Variants in HMG20A observed in about 807,000 individuals in gnomAD.
HMG20A encodes the protein high mobility group 20A, also known as high mobility group protein 20A.
In HMG20A, 17 loss-of-function variants were observed where a neutral mutation model predicts 43.9. The ratio of observed to expected loss-of-function variants is 0.39; its 90% confidence interval spans 0.27 to 0.58. HMG20A has a LOEUF of 0.58. Ranked by LOEUF, HMG20A falls within the 20% of genes least tolerant of loss-of-function variation. The pLI, the probability that HMG20A is intolerant of heterozygous loss-of-function variation, is 0.59. For synonymous variants in HMG20A, 132 were observed against 147.5 expected, an observed-to-expected ratio of 0.89 and a Z score of 0.76; for missense variants, 341 against 438.2, an observed-to-expected ratio of 0.78 and a Z score of 1.98.
the HMG20A span, among the ~76,000 whole-genome samples, chr15:77,497,096 T>G: frequency 6.6e-6 from 1 of 152,166 alleles, no homozygotes; most frequent in African/African-American, 2.4e-5. Flanking sequence ...CCCTCGCAAG[T>G]GTGGAAGGGG....
intron 6 of HMG20A, among the ~76,000 whole-genome samples, chr15:77,473,382 C>T (rs541727145): frequency 1.3e-5 from 2 of 152,176 alleles, no homozygotes; most frequent in African/African-American, 4.8e-5. Context: ...GCCTGTGTGC[C>T]CAGCTATCAA....
At chr15:77,459,476 A>G (rs1291473429) in intron 2 of HMG20A, among the ~76,000 whole-genome samples, 1 of 152,246 alleles carries the variant, frequency 6.6e-6, no homozygotes, top group Non-Finnish European at 1.5e-5. Flanking sequence ...GATAAGAACT[A>G]TAGTTTAAAA....
chr15:77,481,882 A>G (rs1053844333), intron 9 of HMG20A, among the ~76,000 whole-genome samples: 79 of 152,368 alleles, frequency 5.2e-4, no homozygotes, highest in African/African-American at 1.8e-3. Flanking sequence ...TGATGTCCCC[A>G]GCACTCATGA....
At chr15:77,457,559 G>A (rs946439419) in intron 1 of HMG20A, among the ~76,000 whole-genome samples, 3 of 152,160 alleles carry the variant, frequency 2.0e-5, no homozygotes, top group South Asian at 2.1e-4. Flanking sequence ...GGCAAAAATC[G>A]TTTTTCATAG....
rs1013057064 is a variant in HMG20A, at chr15:77,468,423, A to C, written c.450+1116A>C. 2.8e-4 allele frequency among the ~76,000 whole-genome samples: 43 copies of C among 152,134 alleles called. 1 individual carries two copies. The highest frequency in any genetic ancestry group is 1.8e-3 in the Admixed American group (27 of 15,268). ...TTTTTTTGGAAATAATTTCAAATAC[A>C]CAAAAAGTTACAAACATAAAAATAA... On this transcript the variant is annotated intron_variant, in intron 4 of 9. Coordinates refer to ENST00000336216, the MANE Select transcript of HMG20A (RefSeq NM_001304504.2).
At chr15:77,506,306 C>T in the HMG20A span, among the ~76,000 whole-genome samples, 3 of 152,082 alleles carry the variant, frequency 2.0e-5, no homozygotes, top group East Asian at 3.8e-4. Flanking sequence ...CACGGGGCCT[C>T]GCATTAGGAT....
chr15:77,430,633 G>T (rs1353189131), intron 1 of HMG20A, among the ~76,000 whole-genome samples: 1 of 152,204 alleles, frequency 6.6e-6, no homozygotes. Context: ...ATGGGGCGGA[G>T]CAGACAAAAC....
chr15:77,471,210 C>T (rs1282835320), intron 5 of HMG20A, among the ~76,000 whole-genome samples, 168 bp downstream of exon 5: 2 of 152,158 alleles, frequency 1.3e-5, no homozygotes, highest in African/African-American at 4.8e-5. Flanking sequence ...TCACATTGCT[C>T]TCATTTAGAA....
At chr15:77,467,796 C>T (rs1041584925) in intron 4 of HMG20A, among the ~76,000 whole-genome samples, 2 of 152,138 alleles carry the variant, frequency 1.3e-5, no homozygotes, top group Non-Finnish European at 2.9e-5. Flanking sequence ...ATTCTTTCTC[C>T]TCTAAGACAG....
At chr15:77,446,320 AAAT>A in intron 1 of HMG20A, among the ~76,000 whole-genome samples, 1 of 152,216 alleles carries the variant, frequency 6.6e-6, no homozygotes, top group African/African-American at 2.4e-5. Context: ...ATGAACTGTA[AAAT>A]AATAAGTGTT....
the HMG20A span, among the ~76,000 whole-genome samples, chr15:77,508,859 A>G: frequency 6.6e-6 from 1 of 152,216 alleles, no homozygotes; most frequent in Non-Finnish European, 1.5e-5. Flanking sequence ...TGATTTGCAC[A>G]TGGTAAGTGG....
chr15:77,436,360 G>A (rs897632279), intron 1 of HMG20A, among the ~76,000 whole-genome samples: 4 of 151,896 alleles, frequency 2.6e-5, no homozygotes, highest in Non-Finnish European at 4.4e-5. Flanking sequence ...CATCTCCACT[G>A]TTGTTATCCT....
At chr15:77,509,905 C>CA in the HMG20A span, among the ~76,000 whole-genome samples, 2,321 of 128,736 alleles carry the variant, frequency 0.018, 48 homozygotes, top group African/African-American at 0.054. Flanking sequence ...GACTCCGCCT[C>CA]AAAAAAAAAA....
At chr15:77,462,599 C>CCACACACA (rs34081893) in intron 2 of HMG20A, among the ~76,000 whole-genome samples, 1 of 147,858 alleles carries the variant, frequency 6.8e-6, no homozygotes, top group Non-Finnish European at 1.5e-5. Flanking sequence ...GTGTGTCTGT[C>CCACACACA]CACACACACA....
At chr15:77,493,148 C>T in the HMG20A span, among the ~76,000 whole-genome samples, 6 of 151,990 alleles carry the variant, frequency 3.9e-5, no homozygotes, top group Non-Finnish European at 5.9e-5. Flanking sequence ...GTGGAAGAAA[C>T]GTGATTAAAC....
intron 4 of HMG20A, among the ~76,000 whole-genome samples, chr15:77,470,254 A>G (rs560908315): frequency 7.2e-5 from 11 of 152,358 alleles, no homozygotes; most frequent in Non-Finnish European, 1.2e-4. Context: ...GAAAAGGGCA[A>G]AGCATTAAAC....
chr15:77,433,830 A>C (rs951188261), intron 1 of HMG20A, among the ~76,000 whole-genome samples: 1 of 152,234 alleles, frequency 6.6e-6, no homozygotes, highest in Non-Finnish European at 1.5e-5. Flanking sequence ...TGCTCTATAG[A>C]TTAAATGGAA....
At chr15:77,477,357 T>C (rs528514518) in intron 6 of HMG20A, among the ~76,000 whole-genome samples, 198 bp from the exon 7 acceptor site, 1 of 152,348 alleles carries the variant, frequency 6.6e-6, no homozygotes, top group Admixed American at 6.5e-5. Context: ...CTGAGAGAAG[T>C]GAATACTTTA....
At chr15:77,446,297 C>G (rs903976702) in intron 1 of HMG20A, among the ~76,000 whole-genome samples, 1 of 152,010 alleles carries the variant, frequency 6.6e-6, no homozygotes, top group African/African-American at 2.4e-5. Context: ...TTTTCCACGT[C>G]CCCTACTAGA....
Sources: allele counts gnomAD v4.1 joint callset (sites outside exome capture counted in the v4.1 genomes callset), GRCh38; gene constraint gnomAD v4.1.1; transcripts MANE v1.5; gene names NCBI Gene and HGNC (gene_info 2026-07-23, HGNC 2026-07-21).